PLEKHA6: variants seen among roughly 807,000 people sequenced by gnomAD.
PLEKHA6 encodes the protein pleckstrin homology domain-containing family A member 6.
In PLEKHA6, 60 loss-of-function variants were observed where a neutral mutation model predicts 116.7. That is an observed-to-expected ratio of 0.51 (90% CI 0.42 to 0.64). The LOEUF (loss-of-function observed/expected upper bound fraction) is 0.64, where lower values mean the gene tolerates loss of function less well. Ranked by LOEUF, PLEKHA6 falls within the 30% of genes least tolerant of loss-of-function variation. The pLI is 0.00. For missense variants in PLEKHA6, 1,338 were observed against 1,422.7 expected (o/e 0.94, Z 0.96); for synonymous variants, 489 against 556.1 (o/e 0.88, Z 1.70).
intron 21 of PLEKHA6, among the ~76,000 whole-genome samples, chr1:204,226,021 C>T (rs919599531): frequency 8.5e-5 from 13 of 152,236 alleles, no homozygotes; most frequent in Admixed American, 3.3e-4. Flanking sequence ...ACACCACACG[C>T]GGGCACTGAA....
chr1:204,264,611 T>C (rs4072614), intron 6 of PLEKHA6, among the ~76,000 whole-genome samples: 77,518 of 151,948 alleles, frequency 0.51, 19,886 homozygotes, highest in Middle Eastern at 0.57. Flanking sequence ...GGGCAAAAAG[T>C]CCAAGGACTA....
At position 204,338,469 on chromosome 1, in the gene PLEKHA6, T is replaced by C. The variant is rs1414943912; in HGVS notation, c.-95+21225A>G. 3.3e-5 allele frequency among the ~76,000 whole-genome samples: 5 copies of C among 152,160 alleles called. 1 individual carries two copies. The highest frequency in any genetic ancestry group is 3.3e-4 in the Admixed American group (5 of 15,282). On this transcript the variant is annotated intron_variant, in intron 1 of 22. Coordinates refer to ENST00000272203, the MANE Select transcript of PLEKHA6 (RefSeq NM_014935.5). The stretch of plus-strand genomic sequence containing the variant: ...GTTCAACAGGAAGTGCAGTCTCAAA[T>C]GTGTGAAAAAGGGGAAAGCAGATGG...
At chr1:204,285,598 C>T (rs540167615) in intron 1 of PLEKHA6, among the ~76,000 whole-genome samples, 133 of 152,242 alleles carry the variant, frequency 8.7e-4, no homozygotes, top group African/African-American at 3.1e-3. Context: ...ACCTCAGCCT[C>T]CCCAGTAGCT....
At position 204,365,467 on chromosome 1, in the gene PLEKHA6, G is replaced by C. The variant is rs115906176; in HGVS notation, c.218+2332C>G. Among the ~76,000 whole-genome samples the C allele has an allele frequency of 4.7e-3, 715 of 152,252 alleles. 4 individuals carry two copies. The highest frequency in any genetic ancestry group is 0.016 in the African/African-American group (675 of 41,528). ...TGGGAGGAGAATTGACAGGACCCAT[G>C]GGGGAGGCATGAGAGCGGGAAAGGT... On this transcript the variant is annotated intron_variant, in intron 3 of 4. Transcript: ENST00000564627.
chr1:204,279,148 C>T (rs898553132), intron 1 of PLEKHA6, among the ~76,000 whole-genome samples: 1 of 152,164 alleles, frequency 6.6e-6, no homozygotes, highest in Non-Finnish European at 1.5e-5. Context: ...GGAAAATGAG[C>T]TTTCTTCCTC....
At chr1:204,313,122 T>C (rs1235674825) in intron 1 of PLEKHA6, among the ~76,000 whole-genome samples, 2 of 141,746 alleles carry the variant, frequency 1.4e-5, no homozygotes, top group African/African-American at 5.1e-5. Context: ...CTTCCTTGCG[T>C]TGCCCAGGCC....
At chr1:204,270,135 C>T (rs1321390770) in intron 3 of PLEKHA6, among the ~76,000 whole-genome samples, 2 of 152,202 alleles carry the variant, frequency 1.3e-5, no homozygotes, top group Non-Finnish European at 2.9e-5. Flanking sequence ...TCTGACTTTC[C>T]TGAAACTCTT....
At chr1:204,299,797 T>C (rs1670639620) in intron 1 of PLEKHA6, 2 of 194,626 alleles carry the variant, frequency 1.0e-5, no homozygotes, top group Non-Finnish European at 1.9e-5. Flanking sequence ...ATCTGTTCTC[T>C]AGTTGGCTGG....
intron 1 of PLEKHA6, among the ~76,000 whole-genome samples, chr1:204,314,922 G>T (rs553431662): frequency 2.0e-5 from 3 of 152,154 alleles, no homozygotes; most frequent in Non-Finnish European, 4.4e-5. Context: ...AACCCCTAGA[G>T]GTATCAATGT....
At chr1:204,310,618 T>C (rs915709315) in intron 1 of PLEKHA6, among the ~76,000 whole-genome samples, 1 of 152,240 alleles carries the variant, frequency 6.6e-6, no homozygotes, top group Non-Finnish European at 1.5e-5. Context: ...CTGAAGATTT[T>C]TAAGGATTGG....
intron 1 of PLEKHA6, chr1:204,298,082 C>CA (rs1234623858): frequency 6.1e-6 from 1 of 162,646 alleles, no homozygotes; most frequent in African/African-American, 2.4e-5. Context: ...AGTAGTCAGA[C>CA]ATGTGTCTCT....
intron 1 of PLEKHA6, among the ~76,000 whole-genome samples, chr1:204,349,512 G>A (rs1419422191): frequency 7.2e-6 from 1 of 139,480 alleles, no homozygotes; most frequent in Admixed American, 8.2e-5. Context: ...CTGCGCTCCA[G>A]CCTGGGCAAC....
In PLEKHA6 at chr1:204,261,725, G is replaced by C. The variant is rs1302435890; in HGVS notation, c.382-277C>G. Among the ~76,000 whole-genome samples, 1 of 152,204 alleles carries C rather than the reference G, an allele frequency of 6.6e-6. No individual in the cohort carries two copies. On this transcript the variant is annotated intron_variant, in intron 6 of 22. Coordinates refer to ENST00000272203, the MANE Select transcript of PLEKHA6 (RefSeq NM_014935.5). This position sits in a 1 kb window ranked among gnomAD's most constrained non-coding sequence, Gnocchi z 4.0. ...CCAGGTCAGCCTACTTGCCCCACCT[G>C]GGGTAATTAAAGCAGGAGGGACAAT...
chr1:204,356,310 C>T (rs1338185823), intron 1 of PLEKHA6, among the ~76,000 whole-genome samples: 4 of 152,122 alleles, frequency 2.6e-5, no homozygotes, highest in African/African-American at 7.2e-5. Flanking sequence ...TGGTGGTTCA[C>T]GCCTGTAATC....
chr1:204,242,949 T>A (rs1663043726), intron 15 of PLEKHA6, among the ~76,000 whole-genome samples: 2 of 152,228 alleles, frequency 1.3e-5, no homozygotes, highest in Admixed American at 6.5e-5. Context: ...TGGCTTCAAC[T>A]ATCCTTTCCT....
chr1:204,307,944 A>T, intron 1 of PLEKHA6: 3 of 926,260 alleles, frequency 3.2e-6, no homozygotes, highest in Non-Finnish European at 3.9e-6. Context: ...TTTTGAGACT[A>T]TTCCTCCATA....
chr1:204,346,544 CCACACT>C (rs1673059596), intron 1 of PLEKHA6, among the ~76,000 whole-genome samples: 1 of 152,080 alleles, frequency 6.6e-6, no homozygotes, highest in African/African-American at 2.4e-5. Context: ...TAATACACAC[CCACACT>C]CACAGTTGGG....
chr1:204,273,831 G>A (rs1160245098), intron 2 of PLEKHA6, 91 bp from the exon 3 acceptor site: 1 of 856,100 alleles, frequency 1.2e-6, no homozygotes, highest in Non-Finnish European at 1.9e-6. Context: ...GCCACCCACT[G>A]TTTCAGCATC....
chr1:204,300,356 A>G (rs1208301398), intron 1 of PLEKHA6, among the ~76,000 whole-genome samples: 2 of 152,184 alleles, frequency 1.3e-5, no homozygotes, highest in Non-Finnish European at 2.9e-5. Flanking sequence ...AGCAGGAAGC[A>G]CTGTGCATTT....
Sources: allele counts gnomAD v4.1 joint callset (sites outside exome capture counted in the v4.1 genomes callset), GRCh38; gene constraint gnomAD v4.1.1; non-coding constraint Gnocchi (gnomAD v3.1); transcripts MANE v1.5; gene names NCBI Gene and HGNC (gene_info 2026-07-23, HGNC 2026-07-21).